The following SSPN variants were observed in gnomAD, a reference collection of about 807,000 sequenced individuals.
SSPN encodes K-ras oncogene-associated protein.
In SSPN, 15 loss-of-function variants were observed where a neutral mutation model predicts 19.1. The observed-to-expected ratio is 0.78, with a 90% CI of 0.52 to 1.21. SSPN has a LOEUF of 1.21. Among genes scored for constraint, SSPN ranks in the 50% most tolerant of loss-of-function variants. The pLI, the probability that SSPN is intolerant of heterozygous loss-of-function variation, is 0.00. For synonymous variants in SSPN, 147 were observed against 140.3 expected (o/e 1.05, Z -0.34); for missense variants, 291 against 314.0 (o/e 0.93, Z 0.55).
chr12:26,204,884 G>C (rs1944917850), intron 1 of SSPN, among the ~76,000 whole-genome samples: 1 of 152,182 alleles, frequency 6.6e-6, no homozygotes, highest in South Asian at 2.1e-4. Context: ...GTTCCAAAAC[G>C]AAAAGGGATG....
chr12:26,201,013 A>G (rs1565685339), intron 1 of SSPN, among the ~76,000 whole-genome samples: 3 of 48,184 alleles, frequency 6.2e-5, no homozygotes, highest in African/African-American at 2.6e-4. Context: ...TAATTTGTGT[A>G]TATATATATA....
chr12:26,129,534 T>C (rs1424256162), intron 1 of SSPN, among the ~76,000 whole-genome samples: 1 of 152,172 alleles, frequency 6.6e-6, no homozygotes, highest in Non-Finnish European at 1.5e-5. Context: ...CAGTATGACT[T>C]TAAAATATTG....
intron 1 of SSPN, among the ~76,000 whole-genome samples, chr12:26,144,396 T>C (rs1023176829): frequency 6.6e-6 from 1 of 152,196 alleles, no homozygotes; most frequent in Non-Finnish European, 1.5e-5. Context: ...GTGCCTAAAC[T>C]AGGAGAGTTT....
intron 1 of SSPN, among the ~76,000 whole-genome samples, chr12:26,181,923 T>C (rs1045561443): frequency 2.0e-5 from 3 of 152,262 alleles, no homozygotes; most frequent in African/African-American, 7.2e-5. Flanking sequence ...AGTCTTGCTA[T>C]TTCTCCATGT....
intron 2 of SSPN, 64 bp downstream of exon 2, chr12:26,224,443 G>A: frequency 7.2e-7 from 1 of 1,381,622 alleles, no homozygotes; most frequent in Non-Finnish European, 1.0e-6. Context: ...ACAAAATAAA[G>A]GAGTGCCTTC....
chr12:26,152,257 T>G (rs993054313), intron 1 of SSPN, among the ~76,000 whole-genome samples: 1 of 152,200 alleles, frequency 6.6e-6, no homozygotes, highest in African/African-American at 2.4e-5. Flanking sequence ...CTTACCATTA[T>G]GTAATATTTC....
intron 1 of SSPN, among the ~76,000 whole-genome samples, chr12:26,219,158 C>G (rs1945091783): frequency 1.3e-5 from 2 of 152,150 alleles, no homozygotes; most frequent in South Asian, 4.1e-4. Context: ...CCCTGTCAAG[C>G]AGCTCTGTTG....
chr12:26,122,214 A>T, intron 1 of SSPN: 1 of 1,326,142 alleles, frequency 7.5e-7, no homozygotes, highest in Non-Finnish European at 9.6e-7. Flanking sequence ...CTCGTGCGGC[A>T]GGAGGGTCGC....
chr12:26,197,039 G>A (rs576545964), intron 1 of SSPN, among the ~76,000 whole-genome samples: 2 of 152,322 alleles, frequency 1.3e-5, no homozygotes, highest in South Asian at 4.1e-4. Flanking sequence ...TTGGATGTGA[G>A]GAAATAGGCT....
At chr12:26,164,224 A>T (rs1044045542) in intron 1 of SSPN, among the ~76,000 whole-genome samples, 1 of 152,250 alleles carries the variant, frequency 6.6e-6, no homozygotes, top group South Asian at 2.1e-4. Flanking sequence ...ACCAACCTGC[A>T]TATGAATCAT....
intron 1 of SSPN, among the ~76,000 whole-genome samples, chr12:26,141,169 A>G (rs1276847557): frequency 6.6e-6 from 1 of 152,188 alleles, no homozygotes; most frequent in Non-Finnish European, 1.5e-5. Flanking sequence ...GGTGGGAACA[A>G]TGTAGTCAAA....
rs1165880315 is a variant in SSPN at position 26,195,776 on chromosome 12, C to T, written c.104C>T (p.Ala35Val). ...DDMEPKKGTGAPKECGEEEPR... is the reference protein window; with the variant it reads ...DDMEPKKGTGVPKECGEEEPR... The stretch of plus-strand genomic sequence containing the variant: ...ATGGAGCCGAAGAAGGGCACGGGGG[C>T]CCCCAAGGAGTGCGGGGAGGAGGAG... The change falls in exon 1 of 3, where the codon GCC (alanine) becomes GTC (valine). Residue 35 changes from alanine to valine, a missense_variant. Transcript: ENST00000242729. The T allele has an allele frequency of 4.6e-6, 7 of 1,510,592 alleles. No homozygotes were observed. Among genetic ancestry groups the T allele is most frequent in the Non-Finnish European group, 6.2e-6 (7 of 1,132,970 alleles). 93.6% of individuals were successfully genotyped at this position (1,510,592 alleles called of 1,614,324 possible). A position where few individuals can be genotyped will look rare whatever the true frequency, so the allele number is the denominator to read the frequency against.
At chr12:26,168,962 T>C (rs1944637430) in intron 1 of SSPN, among the ~76,000 whole-genome samples, 1 of 151,738 alleles carries the variant, frequency 6.6e-6, no homozygotes, top group African/African-American at 2.4e-5. Flanking sequence ...TTAATAAGAT[T>C]ACAGGGTAAA....
At chr12:26,157,097 A>C (rs1944560430) in intron 1 of SSPN, among the ~76,000 whole-genome samples, 1 of 152,204 alleles carries the variant, frequency 6.6e-6, no homozygotes, top group African/African-American at 2.4e-5. Context: ...ATGTTTAGTA[A>C]AAACAACTCT....
chr12:26,137,213 C>T (rs1410920677), intron 1 of SSPN, among the ~76,000 whole-genome samples: 1 of 152,164 alleles, frequency 6.6e-6, no homozygotes, highest in Non-Finnish European at 1.5e-5. Flanking sequence ...CCATGTCACA[C>T]AAATAGTAAA....
Position 26,195,728 on chromosome 12 carries a change from C to G in SSPN, c.56C>G (p.Ala19Gly). The change falls in exon 1 of 3, where the codon GCG becomes GGG. Residue 19 changes from alanine (A) to glycine (G), a missense_variant. Physicochemically the swap from Ala to Gly is moderately conservative, Grantham distance 60. This residue lies in a region of SSPN where 139 missense variants were observed against 119.6 expected (regional missense o/e 1.16). Coordinates refer to ENST00000242729, the MANE Select transcript of SSPN (RefSeq NM_005086.5). ...GQQRQGGPPA[A>G]DAAGPDDMEP... ...CAGAGGCAGGGGGGCCCGCCGGCCG[C>G]GGACGCCGCTGGGCCCGACGACATG... 6 of 1,452,598 alleles carry G rather than the reference C, an allele frequency of 4.1e-6. No individual in the cohort carries two copies. Among genetic ancestry groups the G allele is most frequent in the Non-Finnish European group, 5.4e-6 (6 of 1,108,208 alleles). 90.0% of individuals were successfully genotyped at this position (1,452,598 alleles called of 1,614,324 possible).
chr12:26,211,931 A>G (rs1944991376), intron 1 of SSPN, among the ~76,000 whole-genome samples: 1 of 152,212 alleles, frequency 6.6e-6, no homozygotes, highest in Admixed American at 6.5e-5. Context: ...AGCCATACAA[A>G]GCGCTTTGGC....
At chr12:26,146,906 G>A (rs1944495502) in intron 1 of SSPN, among the ~76,000 whole-genome samples, 1 of 150,320 alleles carries the variant, frequency 6.7e-6, no homozygotes, top group South Asian at 2.1e-4. Context: ...AACCAAAAAA[G>A]CAGTATGTAT....
At chr12:26,128,966 T>G (rs1716602856) in intron 1 of SSPN, among the ~76,000 whole-genome samples, 1 of 152,228 alleles carries the variant, frequency 6.6e-6, no homozygotes, top group South Asian at 2.1e-4. Flanking sequence ...GGCCTTATCC[T>G]GTTTGCAAAG....
Sources: allele counts gnomAD v4.1 joint callset (sites outside exome capture counted in the v4.1 genomes callset), GRCh38; gene constraint gnomAD v4.1.1; regional missense constraint gnomAD v4.1.1; transcripts MANE v1.5; gene names NCBI Gene and HGNC (gene_info 2026-07-23, HGNC 2026-07-21).